Variants in CSMD1 observed in about 807,000 individuals in gnomAD.
CSMD1 encodes the protein CUB and sushi domain-containing protein 1.
In CSMD1, 213 loss-of-function variants were observed where a neutral mutation model predicts 417.5. That is an observed-to-expected ratio of 0.51 (90% CI 0.46 to 0.57). The LOEUF is 0.57. Ranked by LOEUF, CSMD1 falls within the 20% of genes least tolerant of loss-of-function variation. The pLI is 0.00. For missense variants in CSMD1, 6,923 were observed against 4,529.7 expected, an observed-to-expected ratio of 1.53 and a Z score of -15.17; for synonymous variants, 2,862 against 1,736.8, an observed-to-expected ratio of 1.65 and a Z score of -16.11.
chr8:4,505,656 G>A (rs1423636419), intron 2 of CSMD1, among the ~76,000 whole-genome samples: 6 of 152,132 alleles, frequency 3.9e-5, no homozygotes, highest in African/African-American at 1.4e-4. Flanking sequence ...GCAGTCCAGT[G>A]TCCATGTTGC....
chr8:4,901,951 A>G (rs1025805592), intron 1 of CSMD1, among the ~76,000 whole-genome samples: 1 of 152,206 alleles, frequency 6.6e-6, no homozygotes, highest in Non-Finnish European at 1.5e-5. Context: ...CTTCACAACC[A>G]GAGGTCAAAT....
At chr8:3,465,438 G>A (rs966322803) in intron 12 of CSMD1, among the ~76,000 whole-genome samples, 3 of 152,102 alleles carry the variant, frequency 2.0e-5, no homozygotes, top group African/African-American at 7.2e-5. Flanking sequence ...TGGGTAGAGT[G>A]GACCCAAGGT....
At chr8:4,153,271 A>T (rs372481167) in intron 3 of CSMD1, among the ~76,000 whole-genome samples, 25 of 152,334 alleles carry the variant, frequency 1.6e-4, no homozygotes, top group Middle Eastern at 6.8e-3. Context: ...CTATAAAGAC[A>T]GAGTGTCCAA....
intron 12 of CSMD1, among the ~76,000 whole-genome samples, chr8:3,440,354 C>G (rs552842553): frequency 6.6e-6 from 1 of 152,032 alleles, no homozygotes; most frequent in African/African-American, 2.4e-5. Flanking sequence ...GTCTATGAGT[C>G]CTATACATAT....
At chr8:3,698,440 G>A (rs1371393466) in intron 7 of CSMD1, among the ~76,000 whole-genome samples, 1 of 152,100 alleles carries the variant, frequency 6.6e-6, no homozygotes, top group Non-Finnish European at 1.5e-5. Context: ...ACTGTTAGAG[G>A]TTAATGGCGC....
intron 1 of CSMD1, among the ~76,000 whole-genome samples, chr8:4,664,493 C>A (rs1168919816): frequency 1.3e-5 from 2 of 152,000 alleles, no homozygotes; most frequent in Non-Finnish European, 2.9e-5. Context: ...CTGGGGAGTT[C>A]AAGGCTGCAG....
At chr8:3,234,461 T>C (rs1250232415) in intron 26 of CSMD1, among the ~76,000 whole-genome samples, 1 of 152,144 alleles carries the variant, frequency 6.6e-6, no homozygotes, top group Non-Finnish European at 1.5e-5. Context: ...AACAGGGGAA[T>C]CTCACTTGAA....
chr8:3,954,860 G>A (rs1187223882), intron 5 of CSMD1, among the ~76,000 whole-genome samples: 2 of 152,324 alleles, frequency 1.3e-5, no homozygotes, highest in Admixed American at 1.3e-4. Context: ...ATGTGCATTG[G>A]AGTCTTTCTT....
intron 8 of CSMD1, among the ~76,000 whole-genome samples, chr8:3,608,822 G>A (rs1801749368): frequency 6.6e-6 from 1 of 151,480 alleles, no homozygotes; most frequent in South Asian, 2.1e-4. Flanking sequence ...GCTAGTCTAT[G>A]TGGATCCGTG....
intron 7 of CSMD1, among the ~76,000 whole-genome samples, chr8:3,619,038 T>C (rs902091335): frequency 6.6e-6 from 1 of 152,078 alleles, no homozygotes; most frequent in African/African-American, 2.4e-5. Flanking sequence ...CACTGCTGTA[T>C]AGAAAACTGC....
At chr8:3,566,754 C>T (rs1299218241) in intron 10 of CSMD1, among the ~76,000 whole-genome samples, 1 of 152,074 alleles carries the variant, frequency 6.6e-6, no homozygotes, top group Non-Finnish European at 1.5e-5. Flanking sequence ...GTTGGAATGG[C>T]TATTATTAAA....
At chr8:3,937,044 G>T (rs1339900731) in intron 5 of CSMD1, among the ~76,000 whole-genome samples, 2 of 152,174 alleles carry the variant, frequency 1.3e-5, no homozygotes, top group Non-Finnish European at 2.9e-5. Context: ...CTTCAGACAT[G>T]TTGAAAACAG....
intron 42 of CSMD1, among the ~76,000 whole-genome samples, chr8:3,116,172 G>C (rs2129018105): frequency 6.6e-6 from 1 of 152,178 alleles, no homozygotes; most frequent in South Asian, 2.1e-4. Flanking sequence ...AATATGAAAA[G>C]GATATTAAAC....
At chr8:3,093,003 C>T (rs1815055304) in intron 47 of CSMD1, among the ~76,000 whole-genome samples, 1 of 152,124 alleles carries the variant, frequency 6.6e-6, no homozygotes, top group Non-Finnish European at 1.5e-5. Context: ...AACCATACTC[C>T]ACTCACCGTG....
chr8:3,014,902 T>C (rs1479734150), intron 52 of CSMD1, among the ~76,000 whole-genome samples: 1 of 147,558 alleles, frequency 6.8e-6, no homozygotes, highest in Non-Finnish European at 1.5e-5. Context: ...GGTAACACAG[T>C]GAGACCCTGT....
intron 57 of CSMD1, among the ~76,000 whole-genome samples, chr8:2,967,132 T>C (rs181769236): frequency 1.3e-3 from 196 of 152,332 alleles, no homozygotes; most frequent in African/African-American, 4.3e-3. Flanking sequence ...AGAATATCTA[T>C]GATATTAGCA....
chr8:4,574,633 G>A (rs1331735271), intron 2 of CSMD1, among the ~76,000 whole-genome samples: 4 of 152,286 alleles, frequency 2.6e-5, no homozygotes, highest in East Asian at 1.9e-4. Flanking sequence ...ATACATTAAT[G>A]GGAGACACTT....
chr8:4,735,494 C>A (rs1445541696), intron 1 of CSMD1, among the ~76,000 whole-genome samples: 1 of 152,132 alleles, frequency 6.6e-6, no homozygotes, highest in Non-Finnish European at 1.5e-5. Context: ...GAACTTTATG[C>A]AACATTTTAA....
intron 5 of CSMD1, among the ~76,000 whole-genome samples, chr8:3,994,525 A>G (rs570073997): frequency 1.2e-4 from 18 of 152,072 alleles, no homozygotes; most frequent in African/African-American, 4.3e-4. Flanking sequence ...AAAAATAATG[A>G]CTAGACCATG....
Sources: allele counts gnomAD v4.1 joint callset (sites outside exome capture counted in the v4.1 genomes callset), GRCh38; gene constraint gnomAD v4.1.1; transcripts MANE v1.5; gene names NCBI Gene and HGNC (gene_info 2026-07-23, HGNC 2026-07-21).